Variants in HACL2 observed in about 807,000 individuals in gnomAD.
HACL2 encodes 2-hydroxyacyl-CoA lyase 2.
chr19:15,122,780 AC>A, the HACL2 span: 2 of 1,614,154 alleles, frequency 1.2e-6, no homozygotes, highest in South Asian at 2.2e-5. The surrounding 1 kb of genome is among the most constrained non-coding windows in gnomAD (Gnocchi z 4.0). Flanking sequence ...CAGCACGTCA[AC>A]GGGCAGCTCC....
At chr19:15,125,143 G>T in the HACL2 span, 1 of 1,381,102 alleles carries the variant, frequency 7.2e-7, no homozygotes. Context: ...GCCCCTTCTC[G>T]CAGCAGGATC....
chr19:15,119,450 G>A, the HACL2 span: 21 of 1,614,016 alleles, frequency 1.3e-5, no homozygotes, highest in Non-Finnish European at 1.8e-5. Context: ...GGGTGAGCAG[G>A]GCCTGACTCC....
chr19:15,115,659 C>T, the HACL2 span: 2 of 1,613,784 alleles, frequency 1.2e-6, no homozygotes, highest in Non-Finnish European at 8.5e-7. Flanking sequence ...CCTACCAAGG[C>T]CATCACTGGG....
the HACL2 span, chr19:15,123,149 C>T: frequency 6.2e-7 from 1 of 1,613,996 alleles, no homozygotes; most frequent in Non-Finnish European, 8.5e-7. The surrounding 1 kb of genome is among the most constrained non-coding windows in gnomAD (Gnocchi z 5.1). Context: ...CACCCAGAAG[C>T]AGGATTGGGG....
the HACL2 span, chr19:15,119,441 G>A: frequency 6.2e-7 from 1 of 1,614,156 alleles, no homozygotes; most frequent in Admixed American, 1.7e-5. Context: ...CAGACGTTGG[G>A]GTGAGCAGGG....
the HACL2 span, chr19:15,119,435 C>T: frequency 4.3e-6 from 7 of 1,614,056 alleles, no homozygotes; most frequent in Admixed American, 5.0e-5. Context: ...TGTCGGCAGA[C>T]GTTGGGGTGA....
the HACL2 span, chr19:15,119,386 G>T: frequency 2.5e-6 from 4 of 1,613,096 alleles, no homozygotes; most frequent in East Asian, 8.9e-5. Context: ...GACTGGGAAC[G>T]TGAAAACAAG....
chr19:15,122,608 G>T, the HACL2 span: 2 of 1,141,964 alleles, frequency 1.8e-6, no homozygotes, highest in Non-Finnish European at 2.6e-6. The surrounding 1 kb of genome is among the most constrained non-coding windows in gnomAD (Gnocchi z 4.0). Flanking sequence ...GTCCACATGT[G>T]AATCAAAGGA....
At chr19:15,123,838 A>C in the HACL2 span, 1 of 537,490 alleles carries the variant, frequency 1.9e-6, no homozygotes, top group Non-Finnish European at 3.3e-6. This position sits in a 1 kb window ranked among gnomAD's most constrained non-coding sequence, Gnocchi z 5.1. Flanking sequence ...AGTTCAATAG[A>C]ACCCACGCTC....
At chr19:15,116,486 C>T in the HACL2 span, 1 of 1,613,832 alleles carries the variant, frequency 6.2e-7, no homozygotes, top group Non-Finnish European at 8.5e-7. Context: ...GCCCTGAAGG[C>T]CCTCCACTAA....
the HACL2 span, among the ~76,000 whole-genome samples, chr19:15,118,572 G>A: frequency 6.6e-6 from 1 of 152,088 alleles, no homozygotes; most frequent in African/African-American, 2.4e-5. Context: ...GACACCTCCA[G>A]ATGATTCAGG....
chr19:15,122,628 T>C, the HACL2 span: 2 of 1,352,438 alleles, frequency 1.5e-6, no homozygotes, highest in Non-Finnish European at 1.1e-6. The surrounding 1 kb of genome is among the most constrained non-coding windows in gnomAD (Gnocchi z 4.0). Context: ...AGGATGGGTG[T>C]GGGCTGGAAG....
the HACL2 span, chr19:15,123,566 G>A: frequency 6.2e-7 from 1 of 1,614,080 alleles, no homozygotes; most frequent in Admixed American, 1.7e-5. The surrounding 1 kb of genome is among the most constrained non-coding windows in gnomAD (Gnocchi z 5.1). Flanking sequence ...CCGGACGCTT[G>A]CCTTGTCCAC....
At chr19:15,125,215 G>T in the HACL2 span, 1 of 776,666 alleles carries the variant, frequency 1.3e-6, no homozygotes, top group Non-Finnish European at 2.0e-6. Context: ...GCCAGACCAC[G>T]CCCTTTGTGC....
the HACL2 span, chr19:15,119,495 G>T: frequency 3.1e-5 from 50 of 1,613,942 alleles, no homozygotes; most frequent in Non-Finnish European, 4.2e-5. Context: ...CCCGGCTCAG[G>T]ATCTCCACAC....
the HACL2 span, among the ~76,000 whole-genome samples, chr19:15,118,661 T>C: frequency 6.6e-6 from 1 of 152,042 alleles, no homozygotes; most frequent in Non-Finnish European, 1.5e-5. Context: ...AACCGCACTC[T>C]CCTAGCCCCA....
At chr19:15,123,366 T>C in the HACL2 span, 1 of 1,612,412 alleles carries the variant, frequency 6.2e-7, no homozygotes, top group Non-Finnish European at 8.5e-7. This position sits in a 1 kb window ranked among gnomAD's most constrained non-coding sequence, Gnocchi z 5.1. Flanking sequence ...CTCTCTGCAA[T>C]GCCCTCACCG....
At chr19:15,116,854 A>G in the HACL2 span, 826 of 314,372 alleles carry the variant, frequency 2.6e-3, 24 homozygotes, top group East Asian at 0.043. Context: ...CACCAAGCAC[A>G]TCTCTCAAAT....
the HACL2 span, among the ~76,000 whole-genome samples, chr19:15,121,379 G>C: frequency 6.6e-6 from 1 of 152,210 alleles, no homozygotes; most frequent in African/African-American, 2.4e-5. Context: ...CCCCGTGCCT[G>C]TCCTGGAACC....
Sources: gnomAD v4.1 joint callset for allele counts (sites outside exome capture counted in the v4.1 genomes callset) on GRCh38, gnomAD v4.1.1 for gene constraint, Gnocchi (gnomAD v3.1) non-coding constraint, MANE v1.5 for transcripts, NCBI Gene and HGNC (gene_info 2026-07-23, HGNC 2026-07-21) for gene names.